Variants in PALD1 observed in about 807,000 individuals in gnomAD.
PALD1 encodes the protein phosphatase domain containing paladin 1.
A neutral mutation model predicts 96.0 loss-of-function variants in PALD1; 57 were observed. The observed-to-expected ratio is 0.59, with a 90% CI of 0.48 to 0.74. The LOEUF (loss-of-function observed/expected upper bound fraction) is 0.74. Ranked by LOEUF, PALD1 falls within the 30% of genes least tolerant of loss-of-function variation. The probability of loss-of-function intolerance (pLI) is 0.00; values close to 1 mark genes in which losing one functional copy is unlikely to be tolerated. For synonymous variants in PALD1, 464 were observed against 473.6 expected (o/e 0.98, Z 0.26); for missense variants, 1,063 against 1,143.7 (o/e 0.93, Z 1.02).
intron 18 of PALD1, among the ~76,000 whole-genome samples, chr10:70,550,299 A>G (rs1023436068): frequency 5.9e-5 from 9 of 152,168 alleles, no homozygotes; most frequent in African/African-American, 1.7e-4. Flanking sequence ...TGAGAGCCAC[A>G]TATTCTAAGC....
Position 70,539,502 on chromosome 10 carries a change from C to T in PALD1, c.1726-78C>T. The T allele has an allele frequency of 7.4e-7, 1 of 1,354,566 alleles. No individual in the cohort carries two copies. 83.9% of individuals were successfully genotyped at this position (1,354,566 alleles called of 1,614,324 possible). On this transcript the variant is annotated intron_variant, in intron 14 of 19. Coordinates refer to ENST00000263563, the MANE Select transcript of PALD1 (RefSeq NM_014431.3). The surrounding 1 kb of genome is among the most constrained non-coding windows in gnomAD (Gnocchi z 4.5). ...ACTGGAAGCCAGGGCCAGGCCTGGC[C>T]ATGGCAGGCTGTGGCCTTTCAGGGC...
rs1847207340 is a variant in PALD1, at chr10:70,539,923, C to T, written c.1908+161C>T. On this transcript the variant is annotated intron_variant, in intron 15 of 19. Coordinates refer to ENST00000263563, the MANE Select transcript of PALD1 (RefSeq NM_014431.3). This position sits in a 1 kb window ranked among gnomAD's most constrained non-coding sequence, Gnocchi z 4.5. ...CGATTTGGCCCAAGTGGTTTATTCA[C>T]ATTCCTTCCAAGCTTTGTGTGTGTG... Among the ~76,000 whole-genome samples, 2 of 152,200 alleles carry T rather than the reference C, an allele frequency of 1.3e-5. No homozygotes were observed. The highest frequency in any genetic ancestry group is 3.4e-3 in the Middle Eastern group (1 of 294).
In PALD1 at chr10:70,540,131, GTGT is replaced by G. The variant is rs1211396299; in HGVS notation, c.1908+371_1908+373del. On this transcript the variant is annotated intron_variant, in intron 15 of 19. Coordinates refer to ENST00000263563, the MANE Select transcript of PALD1 (RefSeq NM_014431.3). The surrounding 1 kb of genome is among the most constrained non-coding windows in gnomAD (Gnocchi z 4.2). ...ATGGGTGTGTGTTATAGGTGTGTGT[GTGT>G]TATCGGGGTGTGTGTGTATTCTGTT... Among the ~76,000 whole-genome samples, 2 of 151,828 alleles carry G rather than the reference GTGT, an allele frequency of 1.3e-5. No individual in the cohort carries two copies. The highest frequency in any genetic ancestry group is 1.3e-4 in the Admixed American group (2 of 15,244).
intron 1 of PALD1, among the ~76,000 whole-genome samples, chr10:70,520,685 CTTTTT>C (rs10545684): frequency 6.8e-5 from 6 of 87,680 alleles, no homozygotes; most frequent in South Asian, 5.3e-4. Context: ...TTCTTTCTTT[CTTTTT>C]TTTTTTTTTT....
intron 1 of PALD1, among the ~76,000 whole-genome samples, chr10:70,517,239 C>T (rs935536710): frequency 6.6e-6 from 1 of 152,012 alleles, no homozygotes; most frequent in African/African-American, 2.4e-5. Context: ...GAAGGTGTCA[C>T]GAGAGGAGAA....
At chr10:70,523,203 A>G (rs374194563) in intron 1 of PALD1, among the ~76,000 whole-genome samples, 38 of 152,168 alleles carry the variant, frequency 2.5e-4, no homozygotes, top group African/African-American at 8.7e-4. Context: ...TCTGGAGCCC[A>G]TGAGAGGTGA....
chr10:70,565,921 A>G (rs1290442082), intron 19 of PALD1, among the ~76,000 whole-genome samples: 1 of 152,160 alleles, frequency 6.6e-6, no homozygotes, highest in Non-Finnish European at 1.5e-5. Context: ...GGAGGTCAAG[A>G]AAGGAGGGCT....
chr10:70,458,724 G>A, the PALD1 span, among the ~76,000 whole-genome samples: 1 of 152,216 alleles, frequency 6.6e-6, no homozygotes, highest in Non-Finnish European at 1.5e-5. Flanking sequence ...CCCTGTGGTC[G>A]GGCGGGGTGG....
At chr10:70,469,140 C>T in the PALD1 span, among the ~76,000 whole-genome samples, 1 of 152,136 alleles carries the variant, frequency 6.6e-6, no homozygotes, top group African/African-American at 2.4e-5. Flanking sequence ...GAACATCTCA[C>T]CCCAGGCTGG....
chr10:70,464,622 T>C, the PALD1 span, among the ~76,000 whole-genome samples: 1 of 108,040 alleles, frequency 9.3e-6, no homozygotes, highest in East Asian at 3.1e-4. Context: ...AAACTGTACC[T>C]CCTTTTTTTT....
rs202145555 is a variant in PALD1, at chr10:70,533,926, C to A, written c.875C>A (p.Thr292Asn). 2.1e-5 allele frequency: 34 copies of A among 1,593,434 alleles called. No homozygotes were observed. Among genetic ancestry groups the A allele is most frequent in the Non-Finnish European group, 2.7e-5 (32 of 1,168,668 alleles). ...LDAFVSVLRETPSLLQLRDAH... is the reference protein window; with the variant it reads ...LDAFVSVLRENPSLLQLRDAH... ...GATCCTCATGGTCTTTCCCAGGAGA[C>A]CCCCAGCCTGCTGCAGCTCCGTGAT... is the stretch of plus-strand genomic sequence containing the variant. Residue 292 changes from threonine to asparagine, a missense_variant, in exon 8 of 20, where the codon ACC (threonine) becomes AAC (asparagine). Transcript: ENST00000263563.
At chr10:70,552,168 A>G (rs892080136) in intron 18 of PALD1, among the ~76,000 whole-genome samples, 1 of 152,240 alleles carries the variant, frequency 6.6e-6, no homozygotes, top group African/African-American at 2.4e-5. Context: ...CGTAGGGCAG[A>G]GAGAGGCAAA....
chr10:70,459,854 G>A, the PALD1 span, among the ~76,000 whole-genome samples: 2 of 152,090 alleles, frequency 1.3e-5, no homozygotes, highest in Admixed American at 1.3e-4. Flanking sequence ...TCTGCCCTGT[G>A]CCCTCATCTT....
In PALD1 at chr10:70,555,918, G is replaced by A. The variant is rs544822479; in HGVS notation, c.2263-8446G>A. On this transcript the variant is annotated intron_variant, in intron 18 of 19. Coordinates refer to ENST00000263563, the MANE Select transcript of PALD1 (RefSeq NM_014431.3). ...TGGGAGGCTGAGGCAGGAGAATGGC[G>A]TGAACCCGGGAGGCGGAGCTTGCAG... is the stretch of plus-strand genomic sequence containing the variant. Among the ~76,000 whole-genome samples the A allele has an allele frequency of 7.2e-5, 11 of 152,208 alleles. No individual in the cohort carries two copies. The South Asian group carries it at 2.1e-3, about 29-fold the overall frequency.
intron 19 of PALD1, among the ~76,000 whole-genome samples, chr10:70,566,289 G>C (rs1847850988): frequency 6.6e-6 from 1 of 152,236 alleles, no homozygotes; most frequent in Non-Finnish European, 1.5e-5. Flanking sequence ...GGAGCATCGA[G>C]CTGCACAGGG....
At chr10:70,485,235 TC>T (rs1006808085) in intron 1 of PALD1, 1 of 152,162 alleles carries the variant, frequency 6.6e-6, no homozygotes, top group Non-Finnish European at 1.5e-5. Flanking sequence ...TCTTTAAAAT[TC>T]TTCCTAGAAA....
chr10:70,520,507 T>C (rs1026916366), intron 1 of PALD1, among the ~76,000 whole-genome samples: 1 of 152,198 alleles, frequency 6.6e-6, no homozygotes, highest in African/African-American at 2.4e-5. Context: ...GCTTGAATAC[T>C]GCCATTGACA....
At chr10:70,495,546 A>G (rs1419486474) in intron 1 of PALD1, among the ~76,000 whole-genome samples, 2 of 152,010 alleles carry the variant, frequency 1.3e-5, no homozygotes, top group African/African-American at 4.8e-5. Flanking sequence ...GGTTGGAATT[A>G]CCTGTATTGG....
At chr10:70,506,943 G>T (rs1005766621) in intron 1 of PALD1, among the ~76,000 whole-genome samples, 19 of 152,092 alleles carry the variant, frequency 1.2e-4, no homozygotes, top group African/African-American at 4.6e-4. Flanking sequence ...TTTTCTTTCA[G>T]GCAGTCAACA....
Sources: allele counts gnomAD v4.1 joint callset (sites outside exome capture counted in the v4.1 genomes callset), GRCh38; gene constraint gnomAD v4.1.1; non-coding constraint Gnocchi (gnomAD v3.1); transcripts MANE v1.5; gene names NCBI Gene and HGNC (gene_info 2026-07-23, HGNC 2026-07-21).